Variants in ANKRD44 observed in about 807,000 individuals in gnomAD.
ANKRD44 encodes ankyrin repeat domain 44, also known as serine/threonine-protein phosphatase 6 regulatory ankyrin repeat subunit B.
A neutral mutation model predicts 116.0 loss-of-function variants in ANKRD44; 35 were observed. The observed-to-expected ratio is 0.30, with a 90% CI of 0.23 to 0.40. The LOEUF (loss-of-function observed/expected upper bound fraction) is 0.40, where lower values mean the gene tolerates loss of function less well. ANKRD44 is among the 10% of genes least tolerant of loss of function. The pLI is 1.00. For synonymous variants in ANKRD44, 435 were observed against 461.8 expected (o/e 0.94, Z 0.74); for missense variants, 1,014 against 1,242.6 (o/e 0.82, Z 2.77).
chr2:197,304,162 T>C (rs965947146), intron 1 of ANKRD44, among the ~76,000 whole-genome samples: 7 of 151,922 alleles, frequency 4.6e-5, no homozygotes, highest in Admixed American at 3.3e-4. Flanking sequence ...AAAAATTAGC[T>C]GGGCGTAGTG....
intron 2 of ANKRD44, among the ~76,000 whole-genome samples, chr2:197,185,328 A>G (rs115902777): frequency 0.057 from 8,718 of 152,264 alleles, 809 homozygotes; most frequent in African/African-American, 0.2. Flanking sequence ...TGCAAAAGCC[A>G]CACCAACCTG....
At chr2:197,050,714 C>T (rs1432494362) in intron 16 of ANKRD44, among the ~76,000 whole-genome samples, 4 of 152,130 alleles carry the variant, frequency 2.6e-5, no homozygotes, top group African/African-American at 4.8e-5. Context: ...TGAGCCATCA[C>T]GCCTGGCCTA....
At chr2:197,098,374 T>G (rs1187090637) in intron 10 of ANKRD44, among the ~76,000 whole-genome samples, 1 of 152,234 alleles carries the variant, frequency 6.6e-6, no homozygotes, top group Non-Finnish European at 1.5e-5. Flanking sequence ...TCTGATTTCA[T>G]GATCCCACTG....
At chr2:197,038,782 C>CATACAAAAT (rs1459866485) in intron 16 of ANKRD44, among the ~76,000 whole-genome samples, 1 of 152,080 alleles carries the variant, frequency 6.6e-6, no homozygotes, top group South Asian at 2.1e-4. Flanking sequence ...AAGATTAACT[C>CATACAAAAT]ATACAAAATA....
chr2:197,169,692 A>G (rs1447205908), intron 2 of ANKRD44, among the ~76,000 whole-genome samples: 1 of 152,036 alleles, frequency 6.6e-6, no homozygotes, highest in Non-Finnish European at 1.5e-5. Context: ...CTCAGGCCCC[A>G]CCCTGGACCT....
chr2:197,018,911 T>C (rs2076442440), intron 17 of ANKRD44, among the ~76,000 whole-genome samples: 1 of 152,150 alleles, frequency 6.6e-6, no homozygotes, highest in Non-Finnish European at 1.5e-5. Context: ...AAACAAGCAA[T>C]GTTAATTAAC....
At chr2:197,164,891 G>A (rs2080069431) in intron 2 of ANKRD44, among the ~76,000 whole-genome samples, 1 of 151,928 alleles carries the variant, frequency 6.6e-6, no homozygotes, top group Admixed American at 6.5e-5. Flanking sequence ...ATCCTAGTGG[G>A]CCCTGGAGGC....
At chr2:197,202,143 T>C (rs1283973377) in intron 1 of ANKRD44, among the ~76,000 whole-genome samples, 2 of 152,188 alleles carry the variant, frequency 1.3e-5, no homozygotes, top group African/African-American at 4.8e-5. Context: ...TTTAGAGTAC[T>C]TGGTACATTT....
Position 197,039,005 on chromosome 2 carries a change from G to C in ANKRD44, c.1651-13738C>G, listed in dbSNP as rs569174429. 1.1e-4 allele frequency among the ~76,000 whole-genome samples: 16 copies of C among 152,258 alleles called. No homozygotes were observed. The East Asian group carries it at 3.1e-3, about 29-fold the overall frequency. ...TTTGGAGGTCCCACAGCAGCTTTGG[G>C]TTAAAATGATTTAAGTAGTGGGAGA... On this transcript the variant is annotated intron_variant, in intron 16 of 27. Transcript: ENST00000282272.
intron 8 of ANKRD44, among the ~76,000 whole-genome samples, chr2:197,114,457 AG>A (rs766400201): frequency 6.6e-6 from 1 of 152,248 alleles, no homozygotes; most frequent in Non-Finnish European, 1.5e-5. Flanking sequence ...AACAAATATT[AG>A]TACTCTTTCA....
intron 1 of ANKRD44, among the ~76,000 whole-genome samples, chr2:197,257,724 C>T (rs888827035): frequency 6.6e-6 from 1 of 152,118 alleles, no homozygotes; most frequent in Non-Finnish European, 1.5e-5. Context: ...ACTATGTACC[C>T]ACAAAAAGTA....
intron 1 of ANKRD44, among the ~76,000 whole-genome samples, chr2:197,267,018 G>A (rs2082759026): frequency 6.6e-6 from 1 of 152,112 alleles, no homozygotes; most frequent in Non-Finnish European, 1.5e-5. Context: ...CATATTCTCA[G>A]CACCTAGAAC....
intron 3 of ANKRD44, among the ~76,000 whole-genome samples, chr2:197,143,950 G>T (rs2079436283): frequency 6.6e-6 from 1 of 152,000 alleles, no homozygotes; most frequent in African/African-American, 2.4e-5. Flanking sequence ...TTTCTACTGT[G>T]GTCCTTTTTC....
At chr2:197,161,611 A>C (rs761254305) in intron 2 of ANKRD44, among the ~76,000 whole-genome samples, 1 of 152,112 alleles carries the variant, frequency 6.6e-6, no homozygotes, top group Non-Finnish European at 1.5e-5. Flanking sequence ...ATTAAACACT[A>C]ATATATATTT....
At chr2:197,141,569 C>A (rs553635995) in intron 3 of ANKRD44, among the ~76,000 whole-genome samples, 1 of 152,272 alleles carries the variant, frequency 6.6e-6, no homozygotes, top group Non-Finnish European at 1.5e-5. Flanking sequence ...CGGGGTGTAA[C>A]GACACCAGCA....
Position 197,187,110 on chromosome 2 carries a change from C to A in ANKRD44, c.28-4G>T. On this transcript the variant is annotated splice_polypyrimidine_tract_variant and splice_region_variant and intron_variant, in intron 1 of 27. Coordinates refer to ENST00000282272, the MANE Select transcript of ANKRD44 (RefSeq NM_001195144.2). Reference sequence around the variant, plus strand: ...AGATTGCCTGAACCAATGGTGGCTGCAAACACAAGAGAATGGGAATCAGAA... The same window carrying A: ...AGATTGCCTGAACCAATGGTGGCTGAAAACACAAGAGAATGGGAATCAGAA... 6.2e-7 allele frequency: 1 copy of A among 1,613,862 alleles called. No homozygotes were observed. Among genetic ancestry groups the A allele is most frequent in the Non-Finnish European group, 8.5e-7 (1 of 1,179,836 alleles).
chr2:197,096,897 C>T (rs1251829512), intron 10 of ANKRD44, among the ~76,000 whole-genome samples: 1 of 152,048 alleles, frequency 6.6e-6, no homozygotes, highest in Non-Finnish European at 1.5e-5. Flanking sequence ...CACTTACACA[C>T]ACACATACAA....
intron 3 of ANKRD44, among the ~76,000 whole-genome samples, chr2:197,140,763 G>A (rs1330009251): frequency 1.3e-5 from 2 of 152,086 alleles, no homozygotes; most frequent in Admixed American, 6.5e-5. Context: ...AAAGGGACAC[G>A]AGGAAACTTT....
intron 21 of ANKRD44, among the ~76,000 whole-genome samples, chr2:196,970,742 C>A (rs548222282): frequency 6.6e-6 from 1 of 152,294 alleles, no homozygotes; most frequent in South Asian, 2.1e-4. Context: ...CACTCTGTTG[C>A]CCAGGCTGGA....
Sources: gnomAD v4.1 joint callset for allele counts (sites outside exome capture counted in the v4.1 genomes callset) on GRCh38, gnomAD v4.1.1 for gene constraint, MANE v1.5 for transcripts, NCBI Gene and HGNC (gene_info 2026-07-23, HGNC 2026-07-21) for gene names.